Variants in TMEM132B observed in about 807,000 individuals in gnomAD.
TMEM132B encodes transmembrane protein 132B.
TMEM132B carries 18 observed loss-of-function variants against 90.8 expected under a neutral mutation model. The ratio of observed to expected loss-of-function variants is 0.20; its 90% CI spans 0.14 to 0.29. TMEM132B has a LOEUF of 0.29. Among genes scored for constraint, TMEM132B ranks in the 10% least tolerant of loss-of-function variants. TMEM132B has a pLI of 1.00. For missense variants in TMEM132B, 1,096 were observed against 1,326.8 expected, an observed-to-expected ratio of 0.83 and a Z score of 2.70; for synonymous variants, 504 against 523.3, an observed-to-expected ratio of 0.96 and a Z score of 0.50.
intron 1 of TMEM132B, among the ~76,000 whole-genome samples, chr12:125,309,984 G>A (rs1050154999): frequency 6.6e-6 from 1 of 152,150 alleles, no homozygotes; most frequent in Non-Finnish European, 1.5e-5. Context: ...GCTGTGGCTG[G>A]AACACCTCCA....
chr12:125,289,643 C>T (rs562114479), intron 1 of TMEM132B, among the ~76,000 whole-genome samples: 29 of 152,338 alleles, frequency 1.9e-4, no homozygotes, highest in African/African-American at 6.3e-4. Flanking sequence ...CTGCATTACA[C>T]GTGTTAGCAC....
chr12:125,396,770 G>C (rs966538464), intron 2 of TMEM132B, among the ~76,000 whole-genome samples: 6 of 152,140 alleles, frequency 3.9e-5, no homozygotes, highest in Non-Finnish European at 7.3e-5. Flanking sequence ...CCCTCCCAAA[G>C]TGCTTGGATT....
At position 125,658,522 on chromosome 12, in the gene TMEM132B, G is replaced by A. The variant is rs1887126236; in HGVS notation, c.*3812G>A. ...ATTTTCCATTTCATTCTCTGTAAAT[G>A]ACACAATAGATGGTTTATAGACTCA... On this transcript the variant is annotated 3_prime_UTR_variant, in exon 9 of 9. Coordinates refer to ENST00000682704, the MANE Select transcript of TMEM132B (RefSeq NM_001366854.1). 1 of 152,148 alleles carries A rather than the reference G, an allele frequency of 6.6e-6. No homozygotes were observed. The highest frequency in any genetic ancestry group is 2.4e-5 in the African/African-American group (1 of 41,424). The allele number at this position is 152,148 out of a possible 1,614,324, so 9.4% of individuals were successfully genotyped here. A position where few individuals can be genotyped will look rare whatever the true frequency, so the allele number is the denominator to read the frequency against.
chr12:125,552,185 A>G lies in TMEM132B; in HGVS notation c.1294-31666A>G, dbSNP rs61389246. On this transcript the variant is annotated intron_variant, in intron 4 of 8. Transcript: ENST00000682704. ...GAAAAAATAATGATTACGTTATTAG[A>G]TCGTGGCCCTGTATTTGTAGCTGGC... Among the ~76,000 whole-genome samples the G allele has an allele frequency of 3.6e-3, 542 of 152,358 alleles. 1 individual carries two copies. The highest frequency in any genetic ancestry group is 0.012 in the African/African-American group (519 of 41,578).
chr12:125,325,136 A>C (rs1038553282), intron 1 of TMEM132B, among the ~76,000 whole-genome samples: 2 of 152,230 alleles, frequency 1.3e-5, no homozygotes, highest in African/African-American at 4.8e-5. Flanking sequence ...AAGTCATGCC[A>C]GCGATTTCTC....
At chr12:125,331,069 C>G (rs1184769245) in intron 1 of TMEM132B, among the ~76,000 whole-genome samples, 2 of 152,212 alleles carry the variant, frequency 1.3e-5, no homozygotes, top group African/African-American at 4.8e-5. Context: ...GCTCCTCGTG[C>G]AGCGCTGGCG....
chr12:125,245,530 G>A (rs1874186477), intron 1 of TMEM132B, among the ~76,000 whole-genome samples: 1 of 152,160 alleles, frequency 6.6e-6, no homozygotes, highest in South Asian at 2.1e-4. Context: ...GACCCAGGAT[G>A]GGGGGCTTCG....
chr12:125,300,688 G>A (rs566779791), intron 1 of TMEM132B, among the ~76,000 whole-genome samples: 5 of 152,296 alleles, frequency 3.3e-5, no homozygotes, highest in Admixed American at 6.5e-5. Context: ...AGGAGGAGCC[G>A]TCATTAGCTC....
Position 125,415,717 on chromosome 12 carries a change from G to C in TMEM132B, c.1106+40G>C. 1 of 1,605,156 alleles carries C rather than the reference G, an allele frequency of 6.2e-7. No individual in the cohort carries two copies. ...CCCCAAGGCACCTCCGCAGTGGGGAGGAGGGGAGTGGCTGCCAGAGCTGAT... is the reference window on the plus strand; with the variant it reads ...CCCCAAGGCACCTCCGCAGTGGGGACGAGGGGAGTGGCTGCCAGAGCTGAT... On this transcript the variant is annotated intron_variant, in intron 3 of 8. Coordinates refer to ENST00000682704, the MANE Select transcript of TMEM132B (RefSeq NM_001366854.1). This position sits in a 1 kb window ranked among gnomAD's most constrained non-coding sequence, Gnocchi z 5.3.
chr12:125,239,971 T>G (rs1874029677), intron 1 of TMEM132B, among the ~76,000 whole-genome samples: 1 of 152,230 alleles, frequency 6.6e-6, no homozygotes, highest in Admixed American at 6.5e-5. Flanking sequence ...GGCGTGATTT[T>G]GGAGCTAGCA....
chr12:125,381,471 G>A (rs1390887475), intron 2 of TMEM132B, among the ~76,000 whole-genome samples: 1 of 152,190 alleles, frequency 6.6e-6, no homozygotes, highest in Non-Finnish European at 1.5e-5. Flanking sequence ...AAATGGGGAG[G>A]CTAAAGAGTT....
In TMEM132B at chr12:125,406,812, A is replaced by G. The variant is rs1879503965; in HGVS notation, c.960-8719A>G. Among the ~76,000 whole-genome samples, 1 of 152,196 alleles carries G rather than the reference A, an allele frequency of 6.6e-6. No individual in the cohort carries two copies. Among genetic ancestry groups the G allele is most frequent in the Admixed American group, 6.5e-5 (1 of 15,282 alleles). On this transcript the variant is annotated intron_variant, in intron 2 of 8. Coordinates refer to ENST00000682704, the MANE Select transcript of TMEM132B (RefSeq NM_001366854.1). The surrounding 1 kb of genome is among the most constrained non-coding windows in gnomAD (Gnocchi z 8.3). ...CCCTCAGGTTCAGTAATTTTCTAGA[A>G]GGACTCAAAGAACTCAGAAACGCTG...
chr12:125,304,252 C>T (rs776256840), intron 1 of TMEM132B, among the ~76,000 whole-genome samples: 2 of 152,218 alleles, frequency 1.3e-5, no homozygotes, highest in African/African-American at 2.4e-5. Flanking sequence ...GCTTCGCTTG[C>T]CCACTGGCCG....
chr12:125,415,893 CTATTGT>C lies in TMEM132B; in HGVS notation c.1106+224_1106+229del, dbSNP rs1451887546. Reference sequence around the variant, plus strand: ...TTTTAAATTTTTATCTTTATTATTACTATTGTTATTGTTTGCAGCGAAGAGTTGAAG... The same window carrying C: ...TTTTAAATTTTTATCTTTATTATTACTATTGTTTGCAGCGAAGAGTTGAAG... On this transcript the variant is annotated intron_variant, in intron 3 of 8. Coordinates refer to ENST00000682704, the MANE Select transcript of TMEM132B (RefSeq NM_001366854.1). This position sits in a 1 kb window ranked among gnomAD's most constrained non-coding sequence, Gnocchi z 5.3. 6.6e-6 allele frequency among the ~76,000 whole-genome samples: 1 copy of C among 152,074 alleles called. No individual in the cohort carries two copies. The highest frequency in any genetic ancestry group is 2.4e-5 in the African/African-American group (1 of 41,384).
At chr12:125,481,362 A>C (rs1382905745) in intron 3 of TMEM132B, among the ~76,000 whole-genome samples, 1 of 152,294 alleles carries the variant, frequency 6.6e-6, no homozygotes, top group East Asian at 1.9e-4. Flanking sequence ...AAACCCCATC[A>C]TCTCAGCCCA....
At chr12:125,335,999 T>A (rs6488998) in intron 1 of TMEM132B, among the ~76,000 whole-genome samples, 52,984 of 151,892 alleles carry the variant, frequency 0.35, 9,549 homozygotes, top group African/African-American at 0.43. Flanking sequence ...AGGAAAAAAA[T>A]TATTTTCAGT....
At chr12:125,370,318 T>C (rs775817980) in intron 2 of TMEM132B, among the ~76,000 whole-genome samples, 3 of 152,186 alleles carry the variant, frequency 2.0e-5, no homozygotes, top group African/African-American at 4.8e-5. Context: ...TGTCACAAGA[T>C]AGCCGCTGCA....
At chr12:125,522,559 G>A (rs928000985) in intron 4 of TMEM132B, among the ~76,000 whole-genome samples, 5 of 152,224 alleles carry the variant, frequency 3.3e-5, no homozygotes, top group Non-Finnish European at 4.4e-5. Context: ...AGTTGCTGAT[G>A]CAGCACTCGA....
rs145924434 is a variant in TMEM132B at position 125,535,439 on chromosome 12, T to C, written c.1293+15814T>C. Among the ~76,000 whole-genome samples the C allele has an allele frequency of 1.2e-3, 180 of 152,290 alleles. 2 individuals are homozygous for C. In the East Asian group the frequency reaches 0.03, roughly 26 times the overall value. The stretch of plus-strand genomic sequence containing the variant: ...GGTTGTTTGCCAGTCATTCCTCCCA[T>C]ACCTTGACCAAGGGCCTGTGTGCCA... On this transcript the variant is annotated intron_variant, in intron 4 of 8. Transcript: ENST00000682704.
Sources: gnomAD v4.1 joint callset for allele counts (sites outside exome capture counted in the v4.1 genomes callset) on GRCh38, gnomAD v4.1.1 for gene constraint, Gnocchi (gnomAD v3.1) non-coding constraint, MANE v1.5 for transcripts, NCBI Gene and HGNC (gene_info 2026-07-23, HGNC 2026-07-21) for gene names.